Variants in SYNE1 observed in about 807,000 individuals in gnomAD.
SYNE1 encodes the protein spectrin repeat containing nuclear envelope protein 1.
SYNE1 carries 616 observed loss-of-function variants against 1,111.0 expected under a neutral mutation model. That is an observed-to-expected ratio of 0.55 (90% CI 0.52 to 0.59). The LOEUF is 0.59. Ranked by LOEUF, SYNE1 falls within the 20% of genes least tolerant of loss-of-function variation. The pLI is 0.00. For missense variants in SYNE1, 10,006 were observed against 10,417.0 expected (o/e 0.96, Z 1.72); for synonymous variants, 3,855 against 3,825.8 (o/e 1.01, Z -0.28).
At chr6:152,594,262 G>A (rs1382933226) in intron 3 of SYNE1, among the ~76,000 whole-genome samples, 1 of 152,194 alleles carries the variant, frequency 6.6e-6, no homozygotes, top group African/African-American at 2.4e-5. Flanking sequence ...GGGGACATAA[G>A]AGTGTTGACC....
At chr6:152,293,918 T>C in intron 94 of SYNE1, 42 bp downstream of exon 94, 1 of 1,613,510 alleles carries the variant, frequency 6.2e-7, no homozygotes, top group Non-Finnish European at 8.5e-7. Flanking sequence ...CTAAGGTTAC[T>C]GGTGTCTGGT....
intron 130 of SYNE1, among the ~76,000 whole-genome samples, chr6:152,172,452 A>C (rs1357744884): frequency 6.6e-6 from 1 of 152,124 alleles, no homozygotes; most frequent in Non-Finnish European, 1.5e-5. Flanking sequence ...GAGAAAAAGA[A>C]TTTTCTCTAT....
chr6:152,324,314 G>T (rs1467851996), intron 81 of SYNE1, among the ~76,000 whole-genome samples: 2 of 152,148 alleles, frequency 1.3e-5, no homozygotes, highest in Admixed American at 6.5e-5. Context: ...CAGGAGAATT[G>T]CTTGAACCCA....
chr6:152,565,630 A>G (rs2099410850), intron 3 of SYNE1, among the ~76,000 whole-genome samples: 1 of 152,086 alleles, frequency 6.6e-6, no homozygotes, highest in African/African-American at 2.4e-5. Context: ...ACTTCGCTTT[A>G]AAATCTTCCC....
rs1454231879 is a variant in SYNE1 at position 152,198,722 on chromosome 6, T to C, written c.23145+3102A>G. Reference sequence around the variant, plus strand: ...GGAGAGAGATTGGGAACATTGTTGGTGGAGCAATCAGAACACATGCTACAT... The same window carrying C: ...GGAGAGAGATTGGGAACATTGTTGGCGGAGCAATCAGAACACATGCTACAT... On this transcript the variant is annotated intron_variant, in intron 127 of 145. Coordinates refer to ENST00000367255, the MANE Select transcript of SYNE1 (RefSeq NM_182961.4). 2.0e-5 allele frequency among the ~76,000 whole-genome samples: 3 copies of C among 152,124 alleles called. No individual in the cohort carries two copies. In the East Asian group the frequency reaches 5.8e-4, roughly 29 times the overall value.
At position 152,207,960 on chromosome 6, in the gene SYNE1, T is replaced by C; in HGVS notation, c.22824+12A>G. The C allele has an allele frequency of 6.2e-7, 1 of 1,613,910 alleles. No individual in the cohort carries two copies. ...CCTAAGAGGTGTGAGAACACTGTGT[T>C]TTGCATCTTACCTGCACTTCATCAA... On this transcript the variant is annotated intron_variant, in intron 125 of 145. Transcript: ENST00000367255.
At chr6:152,500,359 A>T (rs1457636405) in intron 10 of SYNE1, among the ~76,000 whole-genome samples, 1 of 152,216 alleles carries the variant, frequency 6.6e-6, no homozygotes, top group Non-Finnish European at 1.5e-5. Context: ...CTTTTTAGAA[A>T]CAATTACTTT....
At chr6:152,309,734 C>CA in intron 90 of SYNE1, 101 bp downstream of exon 90, 2 of 1,466,860 alleles carry the variant, frequency 1.4e-6, no homozygotes, top group Non-Finnish European at 1.9e-6. Flanking sequence ...TCAGATTCAA[C>CA]ACCCTGGATG....
rs183354001 is a variant in SYNE1 at position 152,444,603 on chromosome 6, C to T, written c.3670-25G>A. On this transcript the variant is annotated intron_variant, in intron 29 of 145. Transcript: ENST00000367255. The stretch of plus-strand genomic sequence containing the variant: ...CCTATATTTTCATGAAAAAAAAAAA[C>T]ACGTAAATCATATGCTACTTGTTGA... 7.1e-4 allele frequency: 1,071 copies of T among 1,506,978 alleles called. 1 individual carries two copies. The highest frequency in any genetic ancestry group is 1.0e-3 in the Admixed American group (56 of 54,744). 93.4% of individuals were successfully genotyped at this position (1,506,978 alleles called of 1,614,324 possible).
chr6:152,476,331 A>G (rs1452979792), intron 14 of SYNE1, among the ~76,000 whole-genome samples: 1 of 152,138 alleles, frequency 6.6e-6, no homozygotes, highest in Admixed American at 6.5e-5. Flanking sequence ...TTTCAGTTGC[A>G]CAGCCCCCAA....
intron 3 of SYNE1, among the ~76,000 whole-genome samples, chr6:152,562,302 C>T (rs551936351): frequency 6.6e-6 from 1 of 152,142 alleles, no homozygotes; most frequent in South Asian, 2.1e-4. Context: ...AAAAAATGCT[C>T]GACATCACAA....
intron 3 of SYNE1, among the ~76,000 whole-genome samples, chr6:152,569,460 A>G (rs915614669): frequency 3.9e-5 from 6 of 152,226 alleles, no homozygotes; most frequent in African/African-American, 1.2e-4. Flanking sequence ...CAGTGCTTAT[A>G]TAGCTTAGCC....
chr6:152,412,658 C>T (rs2098082330), intron 42 of SYNE1, among the ~76,000 whole-genome samples: 2 of 152,016 alleles, frequency 1.3e-5, no homozygotes, highest in Admixed American at 1.3e-4. Flanking sequence ...AATAGTTACA[C>T]AACTGCATAA....
chr6:152,242,519 C>T, intron 106 of SYNE1, 79 bp from the exon 107 acceptor site: 6 of 1,536,738 alleles, frequency 3.9e-6, no homozygotes, highest in Non-Finnish European at 4.5e-6. Flanking sequence ...TATGAACGCA[C>T]CAAGCCCGAG....
chr6:152,260,530 C>A (rs1430734004), intron 101 of SYNE1, among the ~76,000 whole-genome samples: 4 of 152,020 alleles, frequency 2.6e-5, no homozygotes, highest in African/African-American at 7.3e-5. Flanking sequence ...GCCTCCTGGC[C>A]AGAGAGGGAA....
intron 98 of SYNE1, among the ~76,000 whole-genome samples, chr6:152,272,573 C>T (rs146193672): frequency 2.0e-5 from 3 of 152,276 alleles, no homozygotes; most frequent in African/African-American, 7.2e-5. Context: ...GAAGATACCA[C>T]GTAATTCAGG....
intron 2 of SYNE1, among the ~76,000 whole-genome samples, chr6:152,631,619 T>C (rs963279275): frequency 6.6e-6 from 1 of 152,176 alleles, no homozygotes; most frequent in Admixed American, 6.5e-5. Context: ...AGGTAGAAGA[T>C]GACCAAAGAC....
Position 152,568,368 on chromosome 6 carries a change from T to C in SYNE1, c.68-28347A>G, listed in dbSNP as rs977840503. Among the ~76,000 whole-genome samples the C allele has an allele frequency of 2.1e-5, 3 of 142,920 alleles. No individual in the cohort carries two copies. The Admixed American group carries it at 2.2e-4, about 11-fold the overall frequency. The allele number at this position is 142,920 out of a possible 152,430, so 93.8% of individuals were successfully genotyped here. Reference sequence around the variant, plus strand: ...AGCTGGCTGAAGTACAGTGGCGAGATCTCGGCTCACTGCAACCTCTACCTC... The same window carrying C: ...AGCTGGCTGAAGTACAGTGGCGAGACCTCGGCTCACTGCAACCTCTACCTC... On this transcript the variant is annotated intron_variant, in intron 3 of 145. Coordinates refer to ENST00000367255, the MANE Select transcript of SYNE1 (RefSeq NM_182961.4).
At chr6:152,229,269 G>C (rs181184336) in intron 115 of SYNE1, among the ~76,000 whole-genome samples, 1 of 152,286 alleles carries the variant, frequency 6.6e-6, no homozygotes, top group Admixed American at 6.5e-5. Context: ...GTCATAATCT[G>C]TAACAATATA....
Sources: allele counts gnomAD v4.1 joint callset (sites outside exome capture counted in the v4.1 genomes callset), GRCh38; gene constraint gnomAD v4.1.1; transcripts MANE v1.5; gene names NCBI Gene and HGNC (gene_info 2026-07-23, HGNC 2026-07-21).